Variants in PTPRT observed in about 807,000 individuals in gnomAD.
PTPRT encodes the protein protein tyrosine phosphatase receptor type T, also known as receptor-type tyrosine-protein phosphatase T.
PTPRT carries 56 observed loss-of-function variants against 176.8 expected under a neutral mutation model. That is an observed-to-expected ratio of 0.32 (90% CI 0.26 to 0.40). PTPRT has a LOEUF of 0.40. PTPRT is among the 10% of genes least tolerant of loss of function. PTPRT has a pLI of 1.00. For synonymous variants in PTPRT, 783 were observed against 739.0 expected (o/e 1.06, Z -0.96); for missense variants, 1,540 against 1,908.2 (o/e 0.81, Z 3.60).
At chr20:42,126,091 G>C (rs1987847133) in intron 19 of PTPRT, among the ~76,000 whole-genome samples, 1 of 152,026 alleles carries the variant, frequency 6.6e-6, no homozygotes, top group African/African-American at 2.4e-5. Flanking sequence ...TTCCCATCCT[G>C]GTTCTGCCAC....
At chr20:42,168,217 A>T (rs1292051211) in intron 16 of PTPRT, among the ~76,000 whole-genome samples, 1 of 152,168 alleles carries the variant, frequency 6.6e-6, no homozygotes, top group African/African-American at 2.4e-5. Context: ...CTGTCTCAGG[A>T]GTGACAGAGT....
At chr20:43,088,135 T>C (rs1276542807) in intron 1 of PTPRT, among the ~76,000 whole-genome samples, 4 of 152,198 alleles carry the variant, frequency 2.6e-5, no homozygotes, top group African/African-American at 9.7e-5. Context: ...CACTATGTGC[T>C]CCATAAATAT....
At chr20:42,477,568 G>C (rs1022819830) in intron 7 of PTPRT, among the ~76,000 whole-genome samples, 2 of 152,120 alleles carry the variant, frequency 1.3e-5, no homozygotes, top group Non-Finnish European at 2.9e-5. Flanking sequence ...TTTACATTCG[G>C]GTTGGTGCAA....
intron 2 of PTPRT, among the ~76,000 whole-genome samples, chr20:42,817,544 G>A (rs568531565): frequency 1.3e-3 from 194 of 152,304 alleles, no homozygotes; most frequent in Middle Eastern, 0.01. Flanking sequence ...AGGAAAGACT[G>A]TTTGAAAATA....
chr20:42,630,701 GA>G (rs2074387089), intron 7 of PTPRT, among the ~76,000 whole-genome samples: 1 of 152,096 alleles, frequency 6.6e-6, no homozygotes, highest in African/African-American at 2.4e-5. Context: ...GATACACAGG[GA>G]AAGAAACAGA....
intron 7 of PTPRT, among the ~76,000 whole-genome samples, chr20:42,526,747 G>C (rs144245144): frequency 5.9e-5 from 9 of 151,986 alleles, no homozygotes; most frequent in African/African-American, 2.2e-4. Flanking sequence ...AGTCCTACTT[G>C]AATCAGCTAT....
At chr20:42,906,320 G>C (rs1184272918) in intron 1 of PTPRT, among the ~76,000 whole-genome samples, 1 of 152,170 alleles carries the variant, frequency 6.6e-6, no homozygotes, top group Non-Finnish European at 1.5e-5. Flanking sequence ...GCGGTCAGAG[G>C]GGAGCACAGC....
intron 15 of PTPRT, among the ~76,000 whole-genome samples, chr20:42,204,630 T>C (rs971579448): frequency 6.6e-6 from 1 of 152,220 alleles, no homozygotes; most frequent in African/African-American, 2.4e-5. Context: ...GGCATTTTCC[T>C]TCTAACGGAT....
At chr20:42,265,186 C>T (rs554196033) in intron 13 of PTPRT, among the ~76,000 whole-genome samples, 11 of 152,292 alleles carry the variant, frequency 7.2e-5, no homozygotes, top group Non-Finnish European at 1.3e-4. Context: ...CTGAGACTGT[C>T]CTGAACCATC....
intron 9 of PTPRT, among the ~76,000 whole-genome samples, chr20:42,415,263 C>T (rs753841687): frequency 6.6e-5 from 10 of 152,188 alleles, no homozygotes; most frequent in Non-Finnish European, 1.3e-4. Flanking sequence ...CTCACTGTAA[C>T]CTTGAGCTCC....
intron 1 of PTPRT, among the ~76,000 whole-genome samples, chr20:43,143,886 C>T (rs972915461): frequency 2.6e-5 from 4 of 152,118 alleles, no homozygotes; most frequent in African/African-American, 9.7e-5. Flanking sequence ...GCAATCCCAC[C>T]TAACGCATGA....
At chr20:42,503,046 T>C (rs1206249652) in intron 7 of PTPRT, among the ~76,000 whole-genome samples, 3 of 152,086 alleles carry the variant, frequency 2.0e-5, no homozygotes, top group African/African-American at 7.2e-5. Flanking sequence ...AGGTATCCTC[T>C]TTTATTCCTA....
Position 42,236,219 on chromosome 20 carries a change from C to G in PTPRT, c.2342+10G>C. The G allele has an allele frequency of 1.3e-6, 2 of 1,596,722 alleles. No homozygotes were observed. The highest frequency in any genetic ancestry group is 1.3e-5 in the African/African-American group (1 of 74,356). On this transcript the variant is annotated intron_variant, in intron 15 of 30. Transcript: ENST00000373187. ...GCACGAAGCAAAGTTAACACCAGCT[C>G]GATACTTACAAGTAATAGGAGTAGG...
At chr20:42,815,264 G>GA (rs539411932) in intron 2 of PTPRT, among the ~76,000 whole-genome samples, 106 of 152,230 alleles carry the variant, frequency 7.0e-4, no homozygotes, top group African/African-American at 2.5e-3. Context: ...TTGGTCAATT[G>GA]TGTCCTCTTA....
At chr20:42,896,443 C>G (rs1045889760) in intron 1 of PTPRT, among the ~76,000 whole-genome samples, 8 of 152,148 alleles carry the variant, frequency 5.3e-5, no homozygotes, top group South Asian at 2.1e-4. Flanking sequence ...TGAGACCAGC[C>G]TGGCCAACAT....
chr20:43,078,011 C>T (rs1428490988), intron 1 of PTPRT, among the ~76,000 whole-genome samples: 1 of 152,158 alleles, frequency 6.6e-6, no homozygotes, highest in Non-Finnish European at 1.5e-5. Context: ...TTAGATGCTC[C>T]CAGCATGTTC....
At position 42,708,405 on chromosome 20, in the gene PTPRT, T is replaced by C. The variant is rs62205380; in HGVS notation, c.860-30246A>G. On this transcript the variant is annotated intron_variant, in intron 6 of 30. Transcript: ENST00000373187. Reference sequence around the variant, plus strand: ...GAACCACATGAGAACTGACATCCTATAAAATTCCACTGGAGAGAGAGATTT... The same window carrying C: ...GAACCACATGAGAACTGACATCCTACAAAATTCCACTGGAGAGAGAGATTT... 3.3e-4 allele frequency among the ~76,000 whole-genome samples: 50 copies of C among 152,194 alleles called. 1 individual carries two copies. The highest frequency in any genetic ancestry group is 5.3e-4 in the Non-Finnish European group (36 of 68,042).
rs963122129 is a variant in PTPRT at position 42,337,563 on chromosome 20, G to C, written c.1865+13065C>G. Reference sequence around the variant, plus strand: ...ACAAAGCTCAGTTAGATGTGACTTTGAGTGTGTATGACCCACTCCTTAGGA... The same window carrying C: ...ACAAAGCTCAGTTAGATGTGACTTTCAGTGTGTATGACCCACTCCTTAGGA... On this transcript the variant is annotated intron_variant, in intron 11 of 30. Transcript: ENST00000373187. Among the ~76,000 whole-genome samples the C allele has an allele frequency of 2.6e-5, 4 of 152,264 alleles. No homozygotes were observed. In the South Asian group the frequency reaches 6.2e-4, roughly 24 times the overall value.
At chr20:42,826,195 A>C (rs1314147372) in intron 2 of PTPRT, among the ~76,000 whole-genome samples, 1 of 152,142 alleles carries the variant, frequency 6.6e-6, no homozygotes, top group Non-Finnish European at 1.5e-5. Flanking sequence ...GAGTGAAGAC[A>C]GCATCCCCCA....
Sources: allele counts gnomAD v4.1 joint callset (sites outside exome capture counted in the v4.1 genomes callset), GRCh38; gene constraint gnomAD v4.1.1; transcripts MANE v1.5; gene names NCBI Gene and HGNC (gene_info 2026-07-23, HGNC 2026-07-21).